The following VSX2 variants were observed in gnomAD, a reference collection of about 807,000 sequenced individuals.
VSX2 encodes the protein ceh-10 homeo domain containing homolog.
A neutral mutation model predicts 32.1 loss-of-function variants in VSX2; 28 were observed. The ratio of observed to expected loss-of-function variants is 0.87; its 90% confidence interval spans 0.65 to 1.20. VSX2 has a LOEUF of 1.20. Ranked by LOEUF, VSX2 falls within the 50% of genes most tolerant of loss-of-function variation. VSX2 has a pLI of 0.00. For missense variants in VSX2, 506 were observed against 488.7 expected, an observed-to-expected ratio of 1.04 and a Z score of -0.33; for synonymous variants, 243 against 214.1, an observed-to-expected ratio of 1.14 and a Z score of -1.18.
At chr14:74,242,431 C>T (rs954458330) in intron 2 of VSX2, among the ~76,000 whole-genome samples, 2 of 152,212 alleles carry the variant, frequency 1.3e-5, no homozygotes, top group African/African-American at 4.8e-5. Flanking sequence ...TTGACCGCCA[C>T]CTTTTAAAAC....
At chr14:74,258,171 G>C (rs984723376) in intron 3 of VSX2, among the ~76,000 whole-genome samples, 1 of 152,228 alleles carries the variant, frequency 6.6e-6, no homozygotes, top group South Asian at 2.1e-4. Flanking sequence ...CGAGGCGAGT[G>C]CTGCCTCCCC....
rs1298838686 is a variant in VSX2, at chr14:74,244,971, TGTGTGTGTGTGA to T, written c.456-192_456-181del. On this transcript the variant is annotated intron_variant, in intron 2 of 4. Transcript: ENST00000261980. ...GTGTGTGTGTGTGTGTGTGTGTGTGTGTGTGTGTGTGAGAGAGAGAGAGAGAGAGAGAGAGAC... is the reference window on the plus strand; with the variant it reads ...GTGTGTGTGTGTGTGTGTGTGTGTGTGAGAGAGAGAGAGAGAGAGAGAGAC... Among the ~76,000 whole-genome samples, 318 of 81,728 alleles carry T rather than the reference TGTGTGTGTGTGA, an allele frequency of 3.9e-3. 44 individuals are homozygous for T. The East Asian group carries it at 0.14, about 36-fold the overall frequency. The allele number at this position is 81,728 out of a possible 152,430, so 53.6% of individuals were successfully genotyped here.
intron 3 of VSX2, among the ~76,000 whole-genome samples, chr14:74,253,917 C>T (rs553611631): frequency 1.3e-5 from 2 of 151,180 alleles, no homozygotes; most frequent in African/African-American, 4.9e-5. Flanking sequence ...GCAACAAGAG[C>T]GAAAATCCGT....
chr14:74,243,474 G>A (rs918547758), intron 2 of VSX2, among the ~76,000 whole-genome samples: 1 of 152,116 alleles, frequency 6.6e-6, no homozygotes, highest in Non-Finnish European at 1.5e-5. Context: ...GGGGCTCTCC[G>A]AAGTAGGGAC....
intron 3 of VSX2, among the ~76,000 whole-genome samples, chr14:74,247,859 A>T (rs1942349302): frequency 6.6e-6 from 1 of 151,996 alleles, no homozygotes; most frequent in South Asian, 2.1e-4. Context: ...TGAATGGGCA[A>T]ATTCTGTACA....
Position 74,259,657 on chromosome 14 carries a change from G to T in VSX2, c.635G>T (p.Arg212Leu), listed in dbSNP as rs368725719. 1.0e-4 allele frequency: 161 copies of T among 1,614,040 alleles called. No individual in the cohort carries two copies. The highest frequency in any genetic ancestry group is 1.3e-4 in the Non-Finnish European group (155 of 1,180,014). ...AGGAAGCGGGAGAAGTGCTGGGGCC[G>T]GAGCAGTGTCATGGCGGAGTATGGG... is the stretch of plus-strand genomic sequence containing the variant. Reference protein sequence around the residue: ...KWRKREKCWGRSSVMAEYGLY... With the variant: ...KWRKREKCWGLSSVMAEYGLY... The change falls in exon 4 of 5, where the codon CGG becomes CTG. Residue 212 changes from arginine (R) to leucine (L), a missense_variant. Transcript: ENST00000261980.
At position 74,239,814 on chromosome 14, in the gene VSX2, C is replaced by A; in HGVS notation, c.253C>A (p.Pro85Thr). ...GGGGCTTCTGGGGCCCGGGGGGCTC[C>A]CTGGCTTCTACACGCAGCCCACCTT... ...GMGLLGPGGL[P>T]GFYTQPTFLE... The change falls in exon 1 of 5, where the codon CCT becomes ACT. Residue 85 changes from proline (P) to threonine (T), a missense_variant. Physicochemically the swap from Pro to Thr is conservative, Grantham distance 38. Transcript: ENST00000261980. 1 of 1,572,594 alleles carries A rather than the reference C, an allele frequency of 6.4e-7. No individual in the cohort carries two copies. Among genetic ancestry groups the A allele is most frequent in the East Asian group, 2.3e-5 (1 of 43,230 alleles).
chr14:74,242,154 A>G (rs1263573743), intron 2 of VSX2, among the ~76,000 whole-genome samples: 1 of 150,998 alleles, frequency 6.6e-6, no homozygotes, highest in Non-Finnish European at 1.5e-5. Context: ...AGAAAGAACC[A>G]AAAATCTGCC....
chr14:74,239,858 C>T lies in VSX2; in HGVS notation c.297C>T (p.Asp99=). The T allele has an allele frequency of 2.5e-6, 4 of 1,578,010 alleles. No homozygotes were observed. The highest frequency in any genetic ancestry group is 2.6e-6 in the Non-Finnish European group (3 of 1,163,234). The change falls in exon 1 of 5, where the codon GAC becomes GAT. Residue 99 remains aspartate (D), a synonymous_variant. Coordinates refer to ENST00000261980, the MANE Select transcript of VSX2 (RefSeq NM_182894.3). The part of the protein sequence containing the change: ...TQPTFLEVLS[D]PQSVHLQPLG... ...CCACCTTCCTGGAAGTGCTGTCCGACCCGCAGAGCGTCCACTTGCAGCCAT... is the reference window on the plus strand; with the variant it reads ...CCACCTTCCTGGAAGTGCTGTCCGATCCGCAGAGCGTCCACTTGCAGCCAT...
intron 3 of VSX2, among the ~76,000 whole-genome samples, chr14:74,259,057 A>G (rs1006341618): frequency 6.6e-6 from 1 of 152,132 alleles, no homozygotes; most frequent in African/African-American, 2.4e-5. Context: ...TCCCTCCCTG[A>G]GTTCCCAGCC....
chr14:74,249,721 T>C (rs987077422), intron 3 of VSX2, among the ~76,000 whole-genome samples: 43 of 152,288 alleles, frequency 2.8e-4, no homozygotes, highest in Admixed American at 1.4e-3. Context: ...TCCTATGAGA[T>C]AGACATGAAT....
rs2079312777 is a variant in VSX2 at position 74,262,241 on chromosome 14, G to A, written c.*1322G>A. ...AACACGGTAACCATGATGGAATAAG[G>A]AGCTGGGGCTTCTTTCTGCTGGCTG... On this transcript the variant is annotated 3_prime_UTR_variant, in exon 5 of 5. Transcript: ENST00000261980. 1 of 152,412 alleles carries A rather than the reference G, an allele frequency of 6.6e-6. No homozygotes were observed. Among genetic ancestry groups the A allele is most frequent in the South Asian group, 2.1e-4 (1 of 4,836 alleles). 9.4% of individuals were successfully genotyped at this position (152,412 alleles called of 1,614,324 possible). A position where few individuals can be genotyped will look rare whatever the true frequency, so the allele number is the denominator to read the frequency against.
At chr14:74,252,932 C>A (rs987453505) in intron 3 of VSX2, among the ~76,000 whole-genome samples, 5 of 151,516 alleles carry the variant, frequency 3.3e-5, no homozygotes, top group Admixed American at 1.3e-4. Flanking sequence ...GCCTGTAATC[C>A]CAGCTACTCA....
At chr14:74,249,045 T>C (rs971276250) in intron 3 of VSX2, among the ~76,000 whole-genome samples, 1 of 152,228 alleles carries the variant, frequency 6.6e-6, no homozygotes, top group Non-Finnish European at 1.5e-5. Context: ...TACTGTCTGA[T>C]GTCTGATGAG....
chr14:74,251,648 T>C (rs1236339999), intron 3 of VSX2, among the ~76,000 whole-genome samples: 1 of 151,506 alleles, frequency 6.6e-6, no homozygotes, highest in Admixed American at 6.6e-5. Flanking sequence ...GGGTTTGGGG[T>C]GAGGAAGGAA....
At chr14:74,248,340 A>T (rs1318685829) in intron 3 of VSX2, among the ~76,000 whole-genome samples, 3 of 138,750 alleles carry the variant, frequency 2.2e-5, no homozygotes, top group Non-Finnish European at 4.8e-5. Flanking sequence ...AGGCTAAAAA[A>T]AAAAAAAAAA....
At chr14:74,253,293 T>C (rs2079241613) in intron 3 of VSX2, among the ~76,000 whole-genome samples, 1 of 152,072 alleles carries the variant, frequency 6.6e-6, no homozygotes, top group Admixed American at 6.6e-5. Context: ...CAGTCTCTTC[T>C]AGAAAGTGAG....
chr14:74,255,820 C>A (rs571876005), intron 3 of VSX2, among the ~76,000 whole-genome samples: 163 of 152,286 alleles, frequency 1.1e-3, no homozygotes, highest in African/African-American at 3.7e-3. Flanking sequence ...GTCCAAACTG[C>A]ACTGAAAACA....
rs901530362 is a variant in VSX2 at position 74,260,952 on chromosome 14, ACT to A, written c.*36_*37del. On this transcript the variant is annotated 3_prime_UTR_variant, in exon 5 of 5. Transcript: ENST00000261980. ...CGCGCTCAGATGCCGGAGCCCCAAG[ACT>A]CTGCTCTCCTCGGGCCCTGTGGTGC... 1 of 1,547,538 alleles carries A rather than the reference ACT, an allele frequency of 6.5e-7. No homozygotes were observed. The highest frequency in any genetic ancestry group is 1.4e-5 in the African/African-American group (1 of 72,802).
Sources: allele counts gnomAD v4.1 joint callset (sites outside exome capture counted in the v4.1 genomes callset), GRCh38; gene constraint gnomAD v4.1.1; transcripts MANE v1.5; gene names NCBI Gene and HGNC (gene_info 2026-07-23, HGNC 2026-07-21).